Variants in FSTL5 observed in about 807,000 individuals in gnomAD.
FSTL5 encodes the protein follistatin like 5.
In FSTL5, 62 loss-of-function variants were observed where a neutral mutation model predicts 89.1. The observed-to-expected ratio is 0.70, with a 90% CI of 0.57 to 0.86. The LOEUF (loss-of-function observed/expected upper bound fraction) is 0.86, where lower values mean the gene tolerates loss of function less well. Among genes scored for constraint, FSTL5 ranks in the 40% least tolerant of loss-of-function variants. The pLI, the probability that FSTL5 is intolerant of heterozygous loss-of-function variation, is 0.00. For missense variants in FSTL5, 1,057 were observed against 1,001.6 expected (o/e 1.06, Z -0.75); for synonymous variants, 383 against 346.2 (o/e 1.11, Z -1.18).
chr4:161,714,003 C>A (rs948726610), intron 6 of FSTL5, among the ~76,000 whole-genome samples: 1 of 152,200 alleles, frequency 6.6e-6, no homozygotes, highest in Middle Eastern at 3.4e-3. Context: ...CTTTTTAAAA[C>A]CTATTATATT....
intron 14 of FSTL5, 105 bp downstream of exon 14, chr4:161,459,107 G>T: frequency 2.6e-6 from 2 of 770,296 alleles, no homozygotes; most frequent in Non-Finnish European, 4.3e-6. Context: ...TAAAGCTGTA[G>T]TCCTCAGATG....
chr4:161,520,124 G>T (rs1222059445), intron 10 of FSTL5, among the ~76,000 whole-genome samples: 1 of 151,924 alleles, frequency 6.6e-6, no homozygotes, highest in Non-Finnish European at 1.5e-5. Flanking sequence ...GCAGAGAACA[G>T]AATCATTAGA....
At chr4:161,396,092 T>G (rs961937745) in intron 15 of FSTL5, among the ~76,000 whole-genome samples, 1 of 150,442 alleles carries the variant, frequency 6.6e-6, no homozygotes, top group Non-Finnish European at 1.5e-5. Context: ...AGTCACTTTT[T>G]GAAGAATGTT....
chr4:162,001,378 CTG>C (rs962823198), intron 3 of FSTL5, among the ~76,000 whole-genome samples: 97 of 152,284 alleles, frequency 6.4e-4, no homozygotes, highest in African/African-American at 2.3e-3. Context: ...CTAGTAAAAA[CTG>C]TGAAAAGGAG....
chr4:161,793,708 A>T (rs1029117910), intron 4 of FSTL5, among the ~76,000 whole-genome samples: 2 of 151,812 alleles, frequency 1.3e-5, no homozygotes, highest in African/African-American at 4.8e-5. Flanking sequence ...TCCTGGGTTC[A>T]AGCAATTCTC....
intron 6 of FSTL5, among the ~76,000 whole-genome samples, chr4:161,693,166 G>T (rs1738011492): frequency 2.0e-5 from 3 of 152,160 alleles, no homozygotes; most frequent in African/African-American, 7.2e-5. Flanking sequence ...AATCCCACTT[G>T]TTCGTGGTGT....
At chr4:161,616,199 G>T (rs559484609) in intron 7 of FSTL5, among the ~76,000 whole-genome samples, 1 of 151,984 alleles carries the variant, frequency 6.6e-6, no homozygotes, top group Admixed American at 6.6e-5. Context: ...CAATTCTCCT[G>T]CCTCAGCCTC....
chr4:161,834,151 T>C lies in FSTL5; in HGVS notation c.410-58077A>G, dbSNP rs555448277. On this transcript the variant is annotated intron_variant, in intron 4 of 15. Coordinates refer to ENST00000306100, the MANE Select transcript of FSTL5 (RefSeq NM_020116.5). ...TGGGATGCAAGGCTGGTTCAATATA[T>C]GCAAATCAATAAATATAATCCAGCA... Among the ~76,000 whole-genome samples the C allele has an allele frequency of 4.3e-4, 66 of 152,178 alleles. 1 individual carries two copies. The East Asian group carries it at 0.013, about 29-fold the overall frequency.
intron 3 of FSTL5, among the ~76,000 whole-genome samples, chr4:161,977,612 CAAAAAAAAAAA>C (rs796909244): frequency 3.7e-4 from 35 of 95,134 alleles, no homozygotes; most frequent in African/African-American, 1.3e-3. Flanking sequence ...GACTCCGTGT[CAAAAAAAAAAA>C]AAAAAAAAAA....
intron 8 of FSTL5, among the ~76,000 whole-genome samples, chr4:161,568,145 C>A (rs1732884248): frequency 6.6e-6 from 1 of 151,840 alleles, no homozygotes; most frequent in Non-Finnish European, 1.5e-5. Flanking sequence ...ATATCTCAAC[C>A]ACCTTCTCTA....
intron 4 of FSTL5, among the ~76,000 whole-genome samples, chr4:161,899,135 A>G (rs889989258): frequency 3.3e-5 from 5 of 152,172 alleles, no homozygotes. Context: ...AGGAATGGAC[A>G]TGCTACCCAG....
At position 161,928,353 on chromosome 4, in the gene FSTL5, A is replaced by G. The variant is rs80266438; in HGVS notation, c.161-7701T>C. On this transcript the variant is annotated intron_variant, in intron 3 of 15. Transcript: ENST00000306100. ...CTTCTCAGGTTTGGCATTGTAAATA[A>G]AGTGAGTTGCTATAAATATTTATGT... Among the ~76,000 whole-genome samples, 157 of 151,958 alleles carry G rather than the reference A, an allele frequency of 1.0e-3. 2 individuals are homozygous for G. In the East Asian group the frequency reaches 0.026, roughly 25 times the overall value.
intron 12 of FSTL5, among the ~76,000 whole-genome samples, chr4:161,490,046 T>A (rs570422144): frequency 6.6e-6 from 1 of 152,262 alleles, no homozygotes; most frequent in South Asian, 2.1e-4. Flanking sequence ...AACAGAGACA[T>A]GAATTCTGTT....
intron 15 of FSTL5, among the ~76,000 whole-genome samples, chr4:161,402,743 T>C (rs933960025): frequency 2.0e-5 from 3 of 152,146 alleles, no homozygotes; most frequent in African/African-American, 4.8e-5. Context: ...TATACAATCA[T>C]AGGCAAGTGA....
chr4:162,099,556 G>A (rs945922851), intron 2 of FSTL5, among the ~76,000 whole-genome samples: 1 of 152,056 alleles, frequency 6.6e-6, no homozygotes, highest in Non-Finnish European at 1.5e-5. Flanking sequence ...GTCCATGAAA[G>A]AAATAATTGA....
At chr4:161,492,462 A>C (rs2126471983) in intron 12 of FSTL5, among the ~76,000 whole-genome samples, 1 of 152,298 alleles carries the variant, frequency 6.6e-6, no homozygotes, top group East Asian at 1.9e-4. Context: ...ACTTTCTGTT[A>C]ACATGTATAT....
chr4:161,775,537 C>T (rs975563717), intron 5 of FSTL5, among the ~76,000 whole-genome samples: 3 of 151,940 alleles, frequency 2.0e-5, no homozygotes, highest in African/African-American at 7.3e-5. Context: ...CTTTTATTGA[C>T]TTATAGAAAG....
intron 3 of FSTL5, among the ~76,000 whole-genome samples, chr4:161,961,526 TA>T (rs1735175759): frequency 4.0e-3 from 1 of 248 alleles, no homozygotes; most frequent in Admixed American, 0.25. Context: ...TCTAGAAAAA[TA>T]TATATATATA....
chr4:161,498,027 G>C (rs1036662052), intron 12 of FSTL5, among the ~76,000 whole-genome samples: 1 of 151,052 alleles, frequency 6.6e-6, no homozygotes, highest in African/African-American at 2.4e-5. Flanking sequence ...TATACATAGA[G>C]ACCTGGATAC....
Sources: gnomAD v4.1 joint callset for allele counts (sites outside exome capture counted in the v4.1 genomes callset) on GRCh38, gnomAD v4.1.1 for gene constraint, MANE v1.5 for transcripts, NCBI Gene and HGNC (gene_info 2026-07-23, HGNC 2026-07-21) for gene names.